IL1RAPL1: variants seen among roughly 807,000 people sequenced by gnomAD.
The protein encoded by IL1RAPL1 is interleukin-1 receptor accessory protein-like 1.
Under a neutral mutation model 48.4 loss-of-function variants are expected in IL1RAPL1, and 3 were observed. That is an observed-to-expected ratio of 0.06 (90% CI 0.03 to 0.16). The LOEUF is 0.16. Among genes scored for constraint, IL1RAPL1 ranks in the 10% least tolerant of loss-of-function variants. IL1RAPL1 has a pLI of 1.00. For synonymous variants in IL1RAPL1, 185 were observed against 187.7 expected (o/e 0.99, Z 0.12); for missense variants, 349 against 530.6 (o/e 0.66, Z 3.36).
chrX:29,709,864 G>A (rs906537874), intron 6 of IL1RAPL1, among the ~76,000 whole-genome samples: 2 of 111,425 alleles, frequency 1.8e-5, no homozygotes, highest in African/African-American at 6.5e-5. Context: ...ACAGTTTTCA[G>A]TGTACAGATC....
chrX:29,522,203 A>G (rs905114181), intron 5 of IL1RAPL1, among the ~76,000 whole-genome samples: 2 of 110,531 alleles, frequency 1.8e-5, no homozygotes, highest in African/African-American at 6.6e-5. Context: ...TCTCTCACCC[A>G]GGGTGGAATG....
intron 2 of IL1RAPL1, among the ~76,000 whole-genome samples, chrX:29,062,860 A>C (rs1927371013): frequency 9.0e-6 from 1 of 111,308 alleles, no homozygotes; most frequent in Non-Finnish European, 1.9e-5. Context: ...AGTTTTCTAA[A>C]ATTTTGTCTG....
intron 5 of IL1RAPL1, among the ~76,000 whole-genome samples, chrX:29,637,337 G>A (rs916197198): frequency 9.3e-6 from 1 of 107,544 alleles, no homozygotes; most frequent in African/African-American, 3.4e-5. Flanking sequence ...ATTGATGTGA[G>A]TGCAAGTATA....
chrX:29,573,832 A>G (rs753581393), intron 5 of IL1RAPL1, among the ~76,000 whole-genome samples: 25 of 111,961 alleles, frequency 2.2e-4, no homozygotes, highest in Non-Finnish European at 4.1e-4. Context: ...GTTAAATGGT[A>G]TATGTCAACT....
intron 3 of IL1RAPL1, among the ~76,000 whole-genome samples, chrX:29,375,823 C>G (rs1933615259): frequency 8.9e-6 from 1 of 112,188 alleles, no homozygotes; most frequent in Non-Finnish European, 1.9e-5. Context: ...TCCATTTCCC[C>G]TAGATTTTCT....
At position 29,839,941 on chromosome X, in the gene IL1RAPL1, A is replaced by C. The variant is rs561659828; in HGVS notation, c.779-77523A>C. 5.0e-4 allele frequency among the ~76,000 whole-genome samples: 56 copies of C among 111,670 alleles called. No individual in the cohort carries two copies. In the South Asian group the frequency reaches 0.02, roughly 41 times the overall value. ...CCTCTGTCTCAGAAACAAAACAAAC[A>C]AATGAAAACAAAACAAAAACTAAAC... is the stretch of plus-strand genomic sequence containing the variant. On this transcript the variant is annotated intron_variant, in intron 6 of 10. Coordinates refer to ENST00000378993, the MANE Select transcript of IL1RAPL1 (RefSeq NM_014271.4).
At chrX:29,674,840 T>G (rs1419087753) in intron 6 of IL1RAPL1, among the ~76,000 whole-genome samples, 3 of 112,070 alleles carry the variant, frequency 2.7e-5, no homozygotes, top group African/African-American at 9.8e-5. Flanking sequence ...TGTTCCTGCA[T>G]TAGTTTGCTA....
chrX:28,716,329 A>G (rs1319506670), intron 1 of IL1RAPL1, among the ~76,000 whole-genome samples: 3 of 111,433 alleles, frequency 2.7e-5, no homozygotes, highest in African/African-American at 9.8e-5. Flanking sequence ...AGTTTTGGCC[A>G]GGGTAGTCAG....
intron 2 of IL1RAPL1, among the ~76,000 whole-genome samples, chrX:29,277,197 C>A (rs1250844376): frequency 8.9e-6 from 1 of 111,893 alleles, no homozygotes; most frequent in Non-Finnish European, 1.9e-5. Flanking sequence ...TGTAGGATGA[C>A]GTGCATCTGT....
chrX:29,222,163 A>G (rs1163866283), intron 2 of IL1RAPL1, among the ~76,000 whole-genome samples: 1 of 111,628 alleles, frequency 9.0e-6, no homozygotes, highest in African/African-American at 3.3e-5. Flanking sequence ...AAGACTAGAC[A>G]TGTTTCCAAT....
At chrX:29,283,248 A>G (rs1569276702) in intron 3 of IL1RAPL1, 31 bp downstream of exon 3, 1 of 1,189,023 alleles carries the variant, frequency 8.4e-7, no homozygotes, top group Non-Finnish European at 1.1e-6. Flanking sequence ...CTGCTGAATC[A>G]AAGAAAGCAC....
chrX:29,597,080 C>G (rs923473596), intron 5 of IL1RAPL1, among the ~76,000 whole-genome samples: 3 of 110,219 alleles, frequency 2.7e-5, no homozygotes, highest in Non-Finnish European at 5.7e-5. Flanking sequence ...TGGTATGAAA[C>G]CCACTTGATA....
chrX:29,537,821 T>G (rs1159513858), intron 5 of IL1RAPL1, among the ~76,000 whole-genome samples: 1 of 111,668 alleles, frequency 9.0e-6, no homozygotes, highest in Non-Finnish European at 1.9e-5. Context: ...CAGCAGGAAA[T>G]AAATCAGTCT....
chrX:28,915,830 T>A (rs1420609796), intron 2 of IL1RAPL1, among the ~76,000 whole-genome samples: 1 of 111,427 alleles, frequency 9.0e-6, no homozygotes, highest in Non-Finnish European at 1.9e-5. Context: ...TCCAAACATC[T>A]GTTGGCCAAC....
intron 2 of IL1RAPL1, among the ~76,000 whole-genome samples, chrX:28,875,875 C>T (rs1376805057): frequency 9.0e-6 from 1 of 111,625 alleles, no homozygotes; most frequent in Non-Finnish European, 1.9e-5. Context: ...GAATTCTTGG[C>T]TCCTATTTTC....
At chrX:28,763,235 G>T (rs964668159) in intron 1 of IL1RAPL1, among the ~76,000 whole-genome samples, 7 of 111,386 alleles carry the variant, frequency 6.3e-5, no homozygotes, top group Non-Finnish European at 1.1e-4. Context: ...AGAAGAGGAT[G>T]GACAGGTGCT....
chrX:28,838,268 A>G (rs1049796710), intron 2 of IL1RAPL1, among the ~76,000 whole-genome samples: 1 of 111,249 alleles, frequency 9.0e-6, no homozygotes, highest in Non-Finnish European at 1.9e-5. Flanking sequence ...TCTGGTAAGT[A>G]ATGGAGTATA....
chrX:29,159,645 A>G (rs1453633306), intron 2 of IL1RAPL1, among the ~76,000 whole-genome samples: 1 of 112,240 alleles, frequency 8.9e-6, no homozygotes, highest in Non-Finnish European at 1.9e-5. Flanking sequence ...CATTCTTTTC[A>G]GATTTACATG....
At chrX:28,809,363 C>T (rs1395609137) in intron 2 of IL1RAPL1, among the ~76,000 whole-genome samples, 2 of 109,930 alleles carry the variant, frequency 1.8e-5, no homozygotes, top group Non-Finnish European at 3.8e-5. Flanking sequence ...AACAAGTTAG[C>T]ATGATAGTGA....
Sources: allele counts gnomAD v4.1 joint callset (sites outside exome capture counted in the v4.1 genomes callset), GRCh38; gene constraint gnomAD v4.1.1; transcripts MANE v1.5; gene names NCBI Gene and HGNC (gene_info 2026-07-23, HGNC 2026-07-21).